ZC3H6: variants seen among roughly 807,000 people sequenced by gnomAD.
The protein encoded by ZC3H6 is zinc finger CCCH domain-containing protein 6.
ZC3H6 carries 40 observed loss-of-function variants against 107.7 expected under a neutral mutation model. The ratio of observed to expected loss-of-function variants is 0.37; its 90% CI spans 0.29 to 0.48. The LOEUF (loss-of-function observed/expected upper bound fraction) is 0.48. Ranked by LOEUF, ZC3H6 falls within the 20% of genes least tolerant of loss-of-function variation. The probability of loss-of-function intolerance (pLI) is 0.98; values close to 1 mark genes in which losing one functional copy is unlikely to be tolerated. For synonymous variants in ZC3H6, 493 were observed against 487.9 expected, an observed-to-expected ratio of 1.01 and a Z score of -0.14; for missense variants, 1,267 against 1,410.4, an observed-to-expected ratio of 0.90 and a Z score of 1.63.
chr2:112,282,629 C>T (rs1433981392), intron 1 of ZC3H6, among the ~76,000 whole-genome samples: 3 of 152,180 alleles, frequency 2.0e-5, no homozygotes, highest in Non-Finnish European at 4.4e-5. Context: ...ACTCTCTTAT[C>T]TAAGCATATA....
chr2:112,299,741 TA>T, intron 1 of ZC3H6, 107 bp from the exon 2 acceptor site: 1 of 885,924 alleles, frequency 1.1e-6, no homozygotes, highest in Non-Finnish European at 1.5e-6. Context: ...AGTGCTTGTC[TA>T]AATGAATATA....
chr2:112,309,445 A>G (rs1191268358), intron 3 of ZC3H6, among the ~76,000 whole-genome samples: 1 of 152,130 alleles, frequency 6.6e-6, no homozygotes, highest in Non-Finnish European at 1.5e-5. Context: ...CCACACATAC[A>G]GTTTTTTATT....
Position 112,331,928 on chromosome 2 carries a change from G to A in ZC3H6, c.3010G>A (p.Gly1004Ser), listed in dbSNP as rs1177674351. ...GAPHLPRSNP[G>S]SSQPSGAGTS... ...CCCTCACTTACCCAGATCAAACCCTGGTTCATCACAGCCCTCAGGGGCAGG... is the reference window on the plus strand; with the variant it reads ...CCCTCACTTACCCAGATCAAACCCTAGTTCATCACAGCCCTCAGGGGCAGG... The change falls in exon 12 of 12, where the codon GGT becomes AGT. Residue 1004 changes from glycine (G) to serine (S), a missense_variant. By Grantham distance (56) the Gly-to-Ser change is moderately conservative (BLOSUM62 0). Coordinates refer to ENST00000409871, the MANE Select transcript of ZC3H6 (RefSeq NM_198581.3). 1 of 1,613,870 alleles carries A rather than the reference G, an allele frequency of 6.2e-7. No homozygotes were observed. Among genetic ancestry groups the A allele is most frequent in the Non-Finnish European group, 8.5e-7 (1 of 1,179,894 alleles).
At position 112,335,665 on chromosome 2, in the gene ZC3H6, G is replaced by T. The variant is rs977561482; in HGVS notation, c.*3177G>T. 5 of 152,136 alleles carry T rather than the reference G, an allele frequency of 3.3e-5. No homozygotes were observed. The highest frequency in any genetic ancestry group is 1.2e-4 in the African/African-American group (5 of 41,426). 9.4% of individuals were successfully genotyped at this position (152,136 alleles called of 1,614,324 possible). A position where few individuals can be genotyped will look rare whatever the true frequency, so the allele number is the denominator to read the frequency against. On this transcript the variant is annotated 3_prime_UTR_variant, in exon 12 of 12. Transcript: ENST00000409871. Reference sequence around the variant, plus strand: ...ATAATCATTATGCTCCCATTAGGGTGCATTAAGTTGTACAAATTCCAAAAT... The same window carrying T: ...ATAATCATTATGCTCCCATTAGGGTTCATTAAGTTGTACAAATTCCAAAAT...
In ZC3H6 at chr2:112,338,887, AT is replaced by A. The variant is rs1558961219; in HGVS notation, c.*6400del. On this transcript the variant is annotated 3_prime_UTR_variant, in exon 12 of 12. Coordinates refer to ENST00000409871, the MANE Select transcript of ZC3H6 (RefSeq NM_198581.3). ...TATATATATATATATATATATATAT[AT>A]ATATATATATATATATATATATATA... 13 of 28,076 alleles carry A rather than the reference AT, an allele frequency of 4.6e-4. No individual in the cohort carries two copies. The highest frequency in any genetic ancestry group is 1.5e-3 in the African/African-American group (3 of 1,972). The allele number at this position is 28,076 out of a possible 1,614,324, so 1.7% of individuals were successfully genotyped here.
chr2:112,294,324 T>C (rs1676186224), intron 1 of ZC3H6, among the ~76,000 whole-genome samples: 1 of 152,080 alleles, frequency 6.6e-6, no homozygotes, highest in Admixed American at 6.5e-5. Context: ...AAAAGAAAAA[T>C]GTTATAAGTA....
chr2:112,330,344 C>T (rs1191455145), intron 11 of ZC3H6, among the ~76,000 whole-genome samples: 3 of 152,132 alleles, frequency 2.0e-5, no homozygotes, highest in Admixed American at 6.5e-5. Context: ...TGAGCCACCA[C>T]GCCCAGCCAG....
At chr2:112,330,201 C>T (rs1259783006) in intron 11 of ZC3H6, among the ~76,000 whole-genome samples, 5 of 151,882 alleles carry the variant, frequency 3.3e-5, no homozygotes, top group African/African-American at 1.2e-4. Context: ...TACATGTGCC[C>T]GCCACCGTGC....
rs1157009991 is a variant in ZC3H6, at chr2:112,282,327, C to A, written c.32+6301C>A. Among the ~76,000 whole-genome samples the A allele has an allele frequency of 2.0e-5, 3 of 152,168 alleles. No homozygotes were observed. The East Asian group carries it at 5.8e-4, about 29-fold the overall frequency. On this transcript the variant is annotated intron_variant, in intron 1 of 11. Coordinates refer to ENST00000409871, the MANE Select transcript of ZC3H6 (RefSeq NM_198581.3). Reference sequence around the variant, plus strand: ...GGAGTTGTGAAACACAGTGGCCCTGCTTTAGTTTTTTTAGATTTAGAAACT... The same window carrying A: ...GGAGTTGTGAAACACAGTGGCCCTGATTTAGTTTTTTTAGATTTAGAAACT...
chr2:112,334,426 G>C lies in ZC3H6; in HGVS notation c.*1938G>C, dbSNP rs1677103337. 6.6e-6 allele frequency: 1 copy of C among 151,988 alleles called. No homozygotes were observed. Among genetic ancestry groups the C allele is most frequent in the Non-Finnish European group, 1.5e-5 (1 of 67,936 alleles). The allele number at this position is 151,988 out of a possible 1,614,324, so 9.4% of individuals were successfully genotyped here. A position where few individuals can be genotyped will look rare whatever the true frequency, so the allele number is the denominator to read the frequency against. On this transcript the variant is annotated 3_prime_UTR_variant, in exon 12 of 12. Transcript: ENST00000409871. ...AGCATCATACAAAAAAGATAATTTG[G>C]CTTGCTAAACATCAAAATAGAATCC... is the stretch of plus-strand genomic sequence containing the variant.
At chr2:112,310,954 A>G (rs970509503) in intron 4 of ZC3H6, among the ~76,000 whole-genome samples, 3 of 152,264 alleles carry the variant, frequency 2.0e-5, no homozygotes, top group African/African-American at 4.8e-5. Flanking sequence ...TAGCTGAAAT[A>G]AAGGGAAAAT....
chr2:112,317,566 A>G (rs1460511300), intron 7 of ZC3H6, among the ~76,000 whole-genome samples: 1 of 152,210 alleles, frequency 6.6e-6, no homozygotes, highest in East Asian at 1.9e-4. Context: ...AAGGGAAGGT[A>G]CTTTAATATA....
rs1216794553 is a variant in ZC3H6, at chr2:112,333,871, T to TA, written c.*1386dup. ...GTGCCCTTGAGAAGGGATTTTTTTT[T>TA]AAATATACAGTAAAATATTTCGTGG... On this transcript the variant is annotated 3_prime_UTR_variant, in exon 12 of 12. Transcript: ENST00000409871. 19 of 152,064 alleles carry TA rather than the reference T, an allele frequency of 1.2e-4. No individual in the cohort carries two copies. Among genetic ancestry groups the TA allele is most frequent in the South Asian group, 2.1e-4 (1 of 4,828 alleles). 9.4% of individuals were successfully genotyped at this position (152,064 alleles called of 1,614,324 possible). A position where few individuals can be genotyped will look rare whatever the true frequency, so the allele number is the denominator to read the frequency against.
chr2:112,323,038 G>T lies in ZC3H6; in HGVS notation c.1340+136G>T, dbSNP rs1281793298. 6.3e-6 allele frequency: 6 copies of T among 948,460 alleles called. No homozygotes were observed. In the African/African-American group the frequency reaches 8.3e-5, roughly 13 times the overall value. 58.8% of individuals were successfully genotyped at this position (948,460 alleles called of 1,614,324 possible). A position where few individuals can be genotyped will look rare whatever the true frequency, so the allele number is the denominator to read the frequency against. On this transcript the variant is annotated intron_variant, in intron 9 of 11. Transcript: ENST00000409871. ...CACATATCTGGCATGCACGCAGATT[G>T]TTGCTTCCACCTTTGTTTTCGGTTC...
intron 3 of ZC3H6, among the ~76,000 whole-genome samples, chr2:112,308,409 TTTATTTA>T (rs1221280585): frequency 1.4e-5 from 2 of 141,376 alleles, no homozygotes; most frequent in African/African-American, 5.7e-5. Context: ...TTTTATTTTA[TTTATTTA>T]TTTATTTATT....
Position 112,303,114 on chromosome 2 carries a change from C to T in ZC3H6, c.214-115C>T, listed in dbSNP as rs567421295. ...TTTTTCAGTAGTACTTCAGAGTCTC[C>T]TGGAATAATATAATCTACTGGTTGG... is the stretch of plus-strand genomic sequence containing the variant. On this transcript the variant is annotated intron_variant, in intron 2 of 11. Coordinates refer to ENST00000409871, the MANE Select transcript of ZC3H6 (RefSeq NM_198581.3). 46 of 1,338,654 alleles carry T rather than the reference C, an allele frequency of 3.4e-5. 2 individuals are homozygous for T. The South Asian group carries it at 6.6e-4, about 19-fold the overall frequency. The allele number at this position is 1,338,654 out of a possible 1,614,324, so 82.9% of individuals were successfully genotyped here.
At chr2:112,311,989 T>C (rs952153218) in intron 5 of ZC3H6, 52 bp downstream of exon 5, 5 of 1,492,858 alleles carry the variant, frequency 3.3e-6, no homozygotes, top group Non-Finnish European at 4.5e-6. Flanking sequence ...TCTTTTAATT[T>C]ATTTGATGGC....
chr2:112,321,881 G>A lies in ZC3H6; in HGVS notation c.1086+16G>A. On this transcript the variant is annotated intron_variant, in intron 8 of 11. Transcript: ENST00000409871. ...TTTGGACAAAGTGAGTAATATTTTT[G>A]TACCTTGATTATGTCTCTCCACAAA... The A allele has an allele frequency of 7.9e-7, 1 of 1,264,008 alleles. No homozygotes were observed. The highest frequency in any genetic ancestry group is 1.1e-6 in the Non-Finnish European group (1 of 916,754). 78.3% of individuals were successfully genotyped at this position (1,264,008 alleles called of 1,614,324 possible).
intron 1 of ZC3H6, among the ~76,000 whole-genome samples, chr2:112,290,341 C>G (rs1183025254): frequency 6.6e-6 from 1 of 152,226 alleles, no homozygotes; most frequent in East Asian, 1.9e-4. Flanking sequence ...TGCAGAGGTC[C>G]CTTCCCCATC....
Sources: allele counts gnomAD v4.1 joint callset (sites outside exome capture counted in the v4.1 genomes callset), GRCh38; gene constraint gnomAD v4.1.1; transcripts MANE v1.5; gene names NCBI Gene and HGNC (gene_info 2026-07-23, HGNC 2026-07-21).